Variants in GRID1 observed in about 807,000 individuals in gnomAD.
GRID1 encodes glutamate receptor ionotropic, delta-1.
In GRID1, 28 loss-of-function variants were observed where a neutral mutation model predicts 98.0. That is an observed-to-expected ratio of 0.29 (90% confidence interval 0.21 to 0.39). The LOEUF (loss-of-function observed/expected upper bound fraction) is 0.39. GRID1 is among the 10% of genes least tolerant of loss of function. GRID1 has a pLI of 1.00. For synonymous variants in GRID1, 553 were observed against 538.5 expected (o/e 1.03, Z -0.37); for missense variants, 1,111 against 1,340.5 (o/e 0.83, Z 2.67).
At chr10:86,329,969 C>T (rs1165088608) in intron 2 of GRID1, among the ~76,000 whole-genome samples, 1 of 152,220 alleles carries the variant, frequency 6.6e-6, no homozygotes, top group African/African-American at 2.4e-5. Context: ...ACTTCCCACA[C>T]TCTGATCTCG....
At chr10:86,028,443 C>T (rs1425967917) in intron 4 of GRID1, among the ~76,000 whole-genome samples, 1 of 152,170 alleles carries the variant, frequency 6.6e-6, no homozygotes, top group Non-Finnish European at 1.5e-5. Context: ...AGTCAGTCCA[C>T]CGAAGTGAAC....
intron 4 of GRID1, among the ~76,000 whole-genome samples, chr10:86,090,922 G>A (rs1183496542): frequency 6.6e-6 from 1 of 152,166 alleles, no homozygotes; most frequent in Non-Finnish European, 1.5e-5. Flanking sequence ...TTTACCTGGA[G>A]CTGAATCAAG....
At chr10:86,082,280 A>C (rs748127935) in intron 4 of GRID1, among the ~76,000 whole-genome samples, 8 of 152,242 alleles carry the variant, frequency 5.3e-5, no homozygotes, top group Non-Finnish European at 1.2e-4. Context: ...TGGGCAGTGC[A>C]GTAGAATAAT....
intron 2 of GRID1, among the ~76,000 whole-genome samples, chr10:86,347,747 T>A (rs529954860): frequency 6.6e-6 from 1 of 152,334 alleles, no homozygotes; most frequent in Non-Finnish European, 1.5e-5. Flanking sequence ...CTAATAATGA[T>A]CCCTGTTTTG....
At chr10:85,731,439 A>G (rs1171787246) in intron 8 of GRID1, among the ~76,000 whole-genome samples, 1 of 149,462 alleles carries the variant, frequency 6.7e-6, no homozygotes, top group Non-Finnish European at 1.5e-5. Context: ...ATACCAAAAT[A>G]CCACACTTTG....
At chr10:85,881,495 A>G (rs1159237750) in intron 5 of GRID1, among the ~76,000 whole-genome samples, 1 of 152,240 alleles carries the variant, frequency 6.6e-6, no homozygotes, top group Admixed American at 6.5e-5. Context: ...CTGATCTTTG[A>G]CAAACCTGAC....
chr10:85,927,992 A>T (rs1025126899), intron 4 of GRID1, among the ~76,000 whole-genome samples: 3 of 152,248 alleles, frequency 2.0e-5, no homozygotes, highest in Non-Finnish European at 4.4e-5. Flanking sequence ...GAAAACATTG[A>T]TGGGATGGAG....
intron 4 of GRID1, among the ~76,000 whole-genome samples, chr10:86,051,608 A>C (rs963080338): frequency 6.6e-6 from 1 of 152,222 alleles, no homozygotes; most frequent in Non-Finnish European, 1.5e-5. Flanking sequence ...TTTCCCAAAA[A>C]TCAGTAGAAA....
At chr10:86,274,487 T>C (rs1847236965) in intron 2 of GRID1, among the ~76,000 whole-genome samples, 1 of 152,198 alleles carries the variant, frequency 6.6e-6, no homozygotes, top group African/African-American at 2.4e-5. Context: ...ATTGAATCTA[T>C]AAATTACCTT....
chr10:85,948,627 A>C (rs1370278472), intron 4 of GRID1, among the ~76,000 whole-genome samples: 3 of 152,212 alleles, frequency 2.0e-5, no homozygotes, highest in East Asian at 1.9e-4. Context: ...TGGGGCTGTA[A>C]ATTGACACAG....
At position 86,091,301 on chromosome 10, in the gene GRID1, C is replaced by T. The variant is rs967502039; in HGVS notation, c.726+47518G>A. 4.6e-5 allele frequency among the ~76,000 whole-genome samples: 7 copies of T among 152,202 alleles called. No individual in the cohort carries two copies. The East Asian group carries it at 7.7e-4, about 17-fold the overall frequency. On this transcript the variant is annotated intron_variant, in intron 4 of 15. Coordinates refer to ENST00000327946, the MANE Select transcript of GRID1 (RefSeq NM_017551.3). The stretch of plus-strand genomic sequence containing the variant: ...GACTCAGGGCTATTGTGGCGGGCAC[C>T]GTGAGAGTGAGACCAGCCCTTCAGT...
intron 8 of GRID1, among the ~76,000 whole-genome samples, chr10:85,794,051 C>T (rs1209337225): frequency 6.6e-6 from 1 of 152,168 alleles, no homozygotes; most frequent in Non-Finnish European, 1.5e-5. Context: ...CGGGGTCTTT[C>T]CTTCAAGAAG....
At chr10:86,273,428 A>AGCTGGGTCAATG (rs1239802569) in intron 2 of GRID1, among the ~76,000 whole-genome samples, 22 of 149,680 alleles carry the variant, frequency 1.5e-4, no homozygotes, top group Non-Finnish European at 2.7e-4. Flanking sequence ...GTATATACCC[A>AGCTGGGTCAATG]GTAATGGGAT....
At chr10:86,281,046 C>G (rs978685795) in intron 2 of GRID1, among the ~76,000 whole-genome samples, 1 of 152,164 alleles carries the variant, frequency 6.6e-6, no homozygotes, top group African/African-American at 2.4e-5. Flanking sequence ...GGACTTGTTC[C>G]TTGTCTAATT....
At chr10:86,147,065 T>A (rs1845099299) in intron 3 of GRID1, among the ~76,000 whole-genome samples, 1 of 152,046 alleles carries the variant, frequency 6.6e-6, no homozygotes, top group African/African-American at 2.4e-5. Context: ...TTCAGGTGAG[T>A]AGAATGATGG....
chr10:86,202,214 C>G (rs777543526), intron 3 of GRID1, among the ~76,000 whole-genome samples: 3 of 152,218 alleles, frequency 2.0e-5, no homozygotes, highest in Non-Finnish European at 4.4e-5. Flanking sequence ...ACTTCCAATG[C>G]CAGCCCATGC....
At chr10:85,961,560 C>T (rs1005703221) in intron 4 of GRID1, among the ~76,000 whole-genome samples, 3 of 151,412 alleles carry the variant, frequency 2.0e-5, no homozygotes, top group African/African-American at 7.3e-5. Flanking sequence ...CCCTTTCCTC[C>T]TTCCTTCTTT....
chr10:86,101,961 G>C (rs1844302587), intron 4 of GRID1, among the ~76,000 whole-genome samples: 1 of 152,188 alleles, frequency 6.6e-6, no homozygotes, highest in Non-Finnish European at 1.5e-5. Flanking sequence ...ACATTGGGAT[G>C]GTTTCCAGTT....
At chr10:85,986,344 G>T (rs1371226101) in intron 4 of GRID1, among the ~76,000 whole-genome samples, 1 of 152,210 alleles carries the variant, frequency 6.6e-6, no homozygotes, top group East Asian at 1.9e-4. Flanking sequence ...TGCCCTGGGA[G>T]AGCCCTTGAT....
Sources: allele counts gnomAD v4.1 joint callset (sites outside exome capture counted in the v4.1 genomes callset), GRCh38; gene constraint gnomAD v4.1.1; transcripts MANE v1.5; gene names NCBI Gene and HGNC (gene_info 2026-07-23, HGNC 2026-07-21).